Variants in METTL16 observed in about 807,000 individuals in gnomAD.
METTL16 encodes the protein RNA N(6)-adenosine-methyltransferase METTL16.
In METTL16, 19 loss-of-function variants were observed where a neutral mutation model predicts 57.9. The observed-to-expected ratio is 0.33, with a 90% CI of 0.23 to 0.48. The LOEUF is 0.48. METTL16 is among the 20% of genes least tolerant of loss of function. METTL16 has a pLI of 0.99. For missense variants in METTL16, 434 were observed against 691.5 expected, an observed-to-expected ratio of 0.63 and a Z score of 4.18; for synonymous variants, 246 against 255.6, an observed-to-expected ratio of 0.96 and a Z score of 0.36.
At position 2,420,223 on chromosome 17, in the gene METTL16, C is replaced by A. The variant is rs17834783; in HGVS notation, c.1436G>T (p.Ser479Ile). ...EEKGGVEVLE[S>I]CQGSSNGAQD... Reference sequence around the variant, plus strand: ...GGCTCCGTTGCTAGAGCCTTGACAACTTTCCAAAACCTCCACCCCTCCCTT... The same window carrying A: ...GGCTCCGTTGCTAGAGCCTTGACAAATTTCCAAAACCTCCACCCCTCCCTT... The change falls in exon 10 of 10, where the codon AGT becomes ATT. Residue 479 changes from serine to isoleucine, a missense_variant. Physicochemically the swap from Ser to Ile is moderately radical, Grantham distance 142. Coordinates refer to ENST00000263092, the MANE Select transcript of METTL16 (RefSeq NM_024086.4). The surrounding 1 kb of genome is among the most constrained non-coding windows in gnomAD (Gnocchi z 5.4). 9 of 1,614,126 alleles carry A rather than the reference C, an allele frequency of 5.6e-6. No homozygotes were observed. In the South Asian group the frequency reaches 9.9e-5, roughly 18 times the overall value.
chr17:2,493,004 CT>C (rs1308104128), intron 2 of METTL16, among the ~76,000 whole-genome samples: 1 of 151,796 alleles, frequency 6.6e-6, no homozygotes, highest in East Asian at 1.9e-4. Flanking sequence ...CAAAACACCC[CT>C]GATTCCCTTA....
intron 2 of METTL16, among the ~76,000 whole-genome samples, chr17:2,498,248 C>T (rs1228461029): frequency 6.7e-6 from 1 of 148,982 alleles, no homozygotes; most frequent in Non-Finnish European, 1.5e-5. Context: ...CCCGTCTCTA[C>T]TAAAAATACA....
rs1597431470 is a variant in METTL16, at chr17:2,417,395, T to C, written c.*2575A>G. ...GGATTTTTTAAAACTCTAAGGTCAT[T>C]AGCTTGACATCTATAAAATCTCCTC... On this transcript the variant is annotated 3_prime_UTR_variant, in exon 10 of 10. Coordinates refer to ENST00000263092, the MANE Select transcript of METTL16 (RefSeq NM_024086.4). 1 of 152,012 alleles carries C rather than the reference T, an allele frequency of 6.6e-6. No individual in the cohort carries two copies. The highest frequency in any genetic ancestry group is 1.5e-5 in the Non-Finnish European group (1 of 68,016). 9.4% of individuals were successfully genotyped at this position (152,012 alleles called of 1,614,324 possible). A position where few individuals can be genotyped will look rare whatever the true frequency, so the allele number is the denominator to read the frequency against.
chr17:2,498,349 T>C (rs2067461783), intron 2 of METTL16, among the ~76,000 whole-genome samples: 1 of 151,414 alleles, frequency 6.6e-6, no homozygotes, highest in Non-Finnish European at 1.5e-5. Flanking sequence ...GAGGCAGAGC[T>C]TGCGGTGAGC....
At chr17:2,447,139 C>A (rs927658686) in intron 6 of METTL16, among the ~76,000 whole-genome samples, 6 of 143,012 alleles carry the variant, frequency 4.2e-5, no homozygotes, top group Admixed American at 1.3e-4. Context: ...AAGCGAGGAG[C>A]GCCTCTTCCC....
At chr17:2,459,535 G>A (rs1050199831) in intron 6 of METTL16, among the ~76,000 whole-genome samples, 1 of 152,172 alleles carries the variant, frequency 6.6e-6, no homozygotes, top group African/African-American at 2.4e-5. Flanking sequence ...CTTAGTTCCT[G>A]TATTTCTTCA....
In METTL16 at chr17:2,420,855, G is replaced by A. The variant is rs771338634; in HGVS notation, c.938C>T (p.Thr313Ile). 6.2e-7 allele frequency: 1 copy of A among 1,614,196 alleles called. No homozygotes were observed. The highest frequency in any genetic ancestry group is 8.5e-7 in the Non-Finnish European group (1 of 1,180,034). ...RKLEKPRKPI[T>I]FVVLASVMKE... ...CATCACGGACGCCAGCACCACGAAT[G>A]TTATGGGTTTTCTCGGTTTCTCTAA... The change falls in exon 9 of 10, where the codon ACA (threonine) becomes ATA (isoleucine). Residue 313 changes from threonine to isoleucine, a missense_variant. Transcript: ENST00000263092. This position sits in a 1 kb window ranked among gnomAD's most constrained non-coding sequence, Gnocchi z 5.4.
chr17:2,429,873 C>T (rs552908026), intron 8 of METTL16, among the ~76,000 whole-genome samples: 5 of 151,616 alleles, frequency 3.3e-5, no homozygotes, highest in African/African-American at 9.7e-5. Flanking sequence ...TGCAGTGGCA[C>T]GATCTCAGCT....
intron 2 of METTL16, among the ~76,000 whole-genome samples, chr17:2,480,344 A>T (rs1276653440): frequency 6.6e-6 from 1 of 152,146 alleles, no homozygotes; most frequent in Non-Finnish European, 1.5e-5. Flanking sequence ...ATTTCGTCTG[A>T]CCTCTAAGAA....
At chr17:2,445,064 A>G (rs1223563360) in intron 6 of METTL16, among the ~76,000 whole-genome samples, 1 of 152,074 alleles carries the variant, frequency 6.6e-6, no homozygotes, top group African/African-American at 2.4e-5. Context: ...GTTAGCCACA[A>G]TGGTCTCCAT....
intron 8 of METTL16, among the ~76,000 whole-genome samples, chr17:2,428,119 T>C (rs2151543199): frequency 6.6e-6 from 1 of 152,040 alleles, no homozygotes; most frequent in East Asian, 1.9e-4. Context: ...ATCTTAAAAA[T>C]AGTAATTCCT....
rs2066757362 is a variant in METTL16 at position 2,420,552 on chromosome 17, A to G, written c.1107T>C (p.Leu369=). The stretch of plus-strand genomic sequence containing the variant: ...AGGAGTTTTCTATGGCCGTTAGGAA[A>G]AGGCTGACTTCCTCTTTTCCACAGG... ...RVPCGKEEVS[L]FLTAIENSWI... The change falls in exon 10 of 10, where the codon CTT becomes CTC. Residue 369 remains leucine, a synonymous_variant. Coordinates refer to ENST00000263092, the MANE Select transcript of METTL16 (RefSeq NM_024086.4). The surrounding 1 kb of genome is among the most constrained non-coding windows in gnomAD (Gnocchi z 5.4). 6.2e-7 allele frequency: 1 copy of G among 1,613,184 alleles called. No individual in the cohort carries two copies. Among genetic ancestry groups the G allele is most frequent in the Non-Finnish European group, 8.5e-7 (1 of 1,180,002 alleles).
At chr17:2,457,928 G>A (rs1379239480) in intron 6 of METTL16, among the ~76,000 whole-genome samples, 1 of 152,092 alleles carries the variant, frequency 6.6e-6, no homozygotes, top group Admixed American at 6.6e-5. Flanking sequence ...CACCCAGGCT[G>A]GAGTGCAGCG....
intron 2 of METTL16, among the ~76,000 whole-genome samples, chr17:2,478,519 A>G (rs2067282332): frequency 6.6e-6 from 1 of 152,246 alleles, no homozygotes. Flanking sequence ...TATAAAATTC[A>G]CCTGTAAGTG....
intron 7 of METTL16, among the ~76,000 whole-genome samples, chr17:2,439,149 G>A (rs535188282): frequency 7.2e-5 from 11 of 152,136 alleles, no homozygotes; most frequent in East Asian, 3.9e-4. Context: ...TCGCTCTGTC[G>A]TCCAGATTGT....
At chr17:2,493,371 C>A (rs1200003119) in intron 2 of METTL16, among the ~76,000 whole-genome samples, 1 of 150,848 alleles carries the variant, frequency 6.6e-6, no homozygotes, top group Non-Finnish European at 1.5e-5. Context: ...TTACAGGCAG[C>A]CACCACACCC....
chr17:2,437,177 T>C (rs1453575680), intron 8 of METTL16, among the ~76,000 whole-genome samples: 4 of 152,138 alleles, frequency 2.6e-5, no homozygotes, highest in South Asian at 2.1e-4. Flanking sequence ...CCACCAGGCC[T>C]GGACACAAAT....
chr17:2,466,193 C>CAAAAAAAAAAA, intron 5 of METTL16, among the ~76,000 whole-genome samples: 2 of 103,900 alleles, frequency 1.9e-5, no homozygotes, highest in Non-Finnish European at 4.4e-5. Flanking sequence ...GACTCTGTCA[C>CAAAAAAAAAAA]AAAAAAAAAA....
At chr17:2,510,151 C>A (rs568810256) in intron 1 of METTL16, among the ~76,000 whole-genome samples, 13 of 152,166 alleles carry the variant, frequency 8.5e-5, no homozygotes, top group African/African-American at 3.1e-4. Context: ...AGAGTAATTT[C>A]TTTAAACTGA....
Sources: allele counts gnomAD v4.1 joint callset (sites outside exome capture counted in the v4.1 genomes callset), GRCh38; gene constraint gnomAD v4.1.1; non-coding constraint Gnocchi (gnomAD v3.1); transcripts MANE v1.5; gene names NCBI Gene and HGNC (gene_info 2026-07-23, HGNC 2026-07-21).